Variants in ZNF365 observed in about 807,000 individuals in gnomAD.
ZNF365 encodes the protein protein ZNF365.
Under a neutral mutation model 35.0 loss-of-function variants are expected in ZNF365, and 22 were observed. The observed-to-expected ratio is 0.63, with a 90% CI of 0.45 to 0.90. The LOEUF is 0.90. Ranked by LOEUF, ZNF365 falls within the 40% of genes least tolerant of loss-of-function variation. The pLI is 0.00. For missense variants in ZNF365, 448 were observed against 500.3 expected, an observed-to-expected ratio of 0.90 and a Z score of 1.00; for synonymous variants, 188 against 196.2, an observed-to-expected ratio of 0.96 and a Z score of 0.35.
At chr10:62,439,075 AT>A (rs1294474567) in intron 3 of ZNF365, among the ~76,000 whole-genome samples, 2 of 152,206 alleles carry the variant, frequency 1.3e-5, no homozygotes, top group East Asian at 3.8e-4. Context: ...CGGTAAGACT[AT>A]CACCTTGCTG....
chr10:62,455,222 G>A, intron 3 of ZNF365, among the ~76,000 whole-genome samples: 1 of 152,170 alleles, frequency 6.6e-6, no homozygotes, highest in East Asian at 1.9e-4. Context: ...AGCACAGGGA[G>A]GCTGGGAGAG....
Position 62,382,390 on chromosome 10 carries a change from T to C in ZNF365, c.743+5454T>C, listed in dbSNP as rs149539466. The stretch of plus-strand genomic sequence containing the variant: ...TAAATGGGGTCCTCTCTTTTCAGGA[T>C]GTGTTCCTTGCAGACTTAGAAACTC... On this transcript the variant is annotated intron_variant, in intron 2 of 4. Transcript: ENST00000395254. Among the ~76,000 whole-genome samples, 506 of 152,288 alleles carry C rather than the reference T, an allele frequency of 3.3e-3. 4 individuals carry two copies. The highest frequency in any genetic ancestry group is 0.011 in the African/African-American group (477 of 41,562).
chr10:62,414,211 T>A (rs1840036287), intron 3 of ZNF365, among the ~76,000 whole-genome samples: 2 of 152,024 alleles, frequency 1.3e-5, no homozygotes, highest in Non-Finnish European at 1.5e-5. Context: ...AGCTCTTTTT[T>A]TTTTCTTAGA....
At chr10:62,452,921 A>T (rs529519701) in intron 3 of ZNF365, among the ~76,000 whole-genome samples, 2 of 152,346 alleles carry the variant, frequency 1.3e-5, no homozygotes, top group South Asian at 4.1e-4. Flanking sequence ...TTCCATAAAT[A>T]TATTCTTTGC....
intron 3 of ZNF365, among the ~76,000 whole-genome samples, chr10:62,435,744 A>C (rs1311558189): frequency 6.6e-6 from 1 of 152,222 alleles, no homozygotes; most frequent in East Asian, 1.9e-4. Context: ...ATTTCCATCC[A>C]GACTTCTGGC....
chr10:62,376,745 CAA>C lies in ZNF365; in HGVS notation c.554_555del (p.Lys185ArgfsTer55). ...TIEKRIDKLT[K>X]ELAQKTAELL... Reference sequence around the variant, plus strand: ...TTGAGAAGAGAATTGATAAACTCACCAAAGAGTTGGCCCAGAAAACTGCGGAA... The same window carrying C: ...TTGAGAAGAGAATTGATAAACTCACCAGAGTTGGCCCAGAAAACTGCGGAA... On this transcript the variant is annotated frameshift_variant, in exon 2 of 5. Coordinates refer to ENST00000395254, the MANE Select transcript of ZNF365 (RefSeq NM_014951.3). LOFTEE classifies it high-confidence loss of function. 6.2e-7 allele frequency: 1 copy of C among 1,614,182 alleles called. No individual in the cohort carries two copies. Among genetic ancestry groups the C allele is most frequent in the Non-Finnish European group, 8.5e-7 (1 of 1,180,036 alleles).
At chr10:62,433,999 CT>C (rs749738776) in intron 3 of ZNF365, among the ~76,000 whole-genome samples, 43 of 152,226 alleles carry the variant, frequency 2.8e-4, no homozygotes, top group Admixed American at 7.2e-4. Flanking sequence ...GACTTAGTTT[CT>C]TCTGCTAGTA....
intron 3 of ZNF365, among the ~76,000 whole-genome samples, chr10:62,427,537 T>C (rs1350137393): frequency 2.0e-5 from 3 of 152,190 alleles, no homozygotes; most frequent in African/African-American, 7.2e-5. Flanking sequence ...ATGCGTGACT[T>C]ACACAGAAAA....
chr10:62,440,886 C>T (rs1840489281), intron 3 of ZNF365, among the ~76,000 whole-genome samples: 1 of 152,184 alleles, frequency 6.6e-6, no homozygotes, highest in South Asian at 2.1e-4. Context: ...AGAATGAATA[C>T]ATCATCCGAT....
chr10:62,425,635 C>T (rs1387936838), intron 3 of ZNF365, among the ~76,000 whole-genome samples: 1 of 152,222 alleles, frequency 6.6e-6, no homozygotes, highest in Non-Finnish European at 1.5e-5. Context: ...GGCTCTCAGG[C>T]TGACCTGTGA....
chr10:62,395,491 C>T (rs1839708814), intron 3 of ZNF365, among the ~76,000 whole-genome samples: 1 of 149,926 alleles, frequency 6.7e-6, no homozygotes, highest in Admixed American at 6.7e-5. Context: ...GCACCCACCA[C>T]CACACCCGGC....
At chr10:62,443,166 G>A (rs1309806860) in intron 3 of ZNF365, among the ~76,000 whole-genome samples, 1 of 152,232 alleles carries the variant, frequency 6.6e-6, no homozygotes, top group African/African-American at 2.4e-5. Context: ...CCCTTTATAA[G>A]TCAAGCACTA....
Position 62,402,084 on chromosome 10 carries a change from TTG to T in ZNF365, c.*2299_*2300del. ...GCCTGAGCTAAGTACCATGTCCTGT[TTG>T]TGTCTTATTTTTAAATATTTTCTTT... On this transcript the variant is annotated 3_prime_UTR_variant, in exon 5 of 5. Coordinates refer to ENST00000395254, the MANE Select transcript of ZNF365 (RefSeq NM_014951.3). 2.0e-6 allele frequency: 2 copies of T among 985,890 alleles called. No homozygotes were observed. Among genetic ancestry groups the T allele is most frequent in the Middle Eastern group, 5.2e-4 (1 of 1,914 alleles). 61.1% of individuals were successfully genotyped at this position (985,890 alleles called of 1,614,324 possible).
Position 62,467,748 on chromosome 10 carries a change from G to A in ZNF365, c.981+7951G>A, listed in dbSNP as rs556059507. ...CCTTTCAGAGGCAATTCACTCATTC[G>A]GATGCTATGAATCATGCTTCAAGCC... On this transcript the variant is annotated intron_variant, in intron 4 of 4. Transcript: ENST00000395255. Among the ~76,000 whole-genome samples, 16 of 152,184 alleles carry A rather than the reference G, an allele frequency of 1.1e-4. No individual in the cohort carries two copies. The East Asian group carries it at 1.2e-3, about 11-fold the overall frequency.
intron 3 of ZNF365, among the ~76,000 whole-genome samples, chr10:62,449,121 G>A (rs757312081): frequency 2.0e-4 from 30 of 152,172 alleles, no homozygotes; most frequent in Admixed American, 1.0e-3. Flanking sequence ...GGGAGTAAAG[G>A]AAGTCTTTAT....
rs5785521 is a variant in ZNF365, at chr10:62,401,486, TGGG to T, written c.*1703_*1705del. On this transcript the variant is annotated 3_prime_UTR_variant, in exon 5 of 5. Coordinates refer to ENST00000395254, the MANE Select transcript of ZNF365 (RefSeq NM_014951.3). ...AATCTTCACTTTGACTTTCAGTTTATGGGGGGGGTAGATCATTCATGTGATATA... is the reference window on the plus strand; with the variant it reads ...AATCTTCACTTTGACTTTCAGTTTATGGGGGTAGATCATTCATGTGATATA... 2 of 985,004 alleles carry T rather than the reference TGGG, an allele frequency of 2.0e-6. No homozygotes were observed. The highest frequency in any genetic ancestry group is 2.4e-6 in the Non-Finnish European group (2 of 829,748). The allele number at this position is 985,004 out of a possible 1,614,324, so 61.0% of individuals were successfully genotyped here.
intron 3 of ZNF365, among the ~76,000 whole-genome samples, chr10:62,443,367 G>T (rs895616944): frequency 6.6e-6 from 1 of 152,144 alleles, no homozygotes; most frequent in African/African-American, 2.4e-5. Flanking sequence ...TCCTTCTTTT[G>T]TGTATGCCCC....
intron 4 of ZNF365, 69 bp downstream of exon 4, chr10:62,398,846 A>T: frequency 7.0e-7 from 1 of 1,431,336 alleles, no homozygotes; most frequent in South Asian, 1.3e-5. Flanking sequence ...GTTGCATTTT[A>T]TATGAGATCG....
chr10:62,447,863 C>T (rs542322462), intron 3 of ZNF365, among the ~76,000 whole-genome samples: 1 of 152,158 alleles, frequency 6.6e-6, no homozygotes, highest in Non-Finnish European at 1.5e-5. Flanking sequence ...GTGTCTTAAC[C>T]CTCACATTGG....
Sources: gnomAD v4.1 joint callset for allele counts (sites outside exome capture counted in the v4.1 genomes callset) on GRCh38, gnomAD v4.1.1 for gene constraint, MANE v1.5 for transcripts, NCBI Gene and HGNC (gene_info 2026-07-23, HGNC 2026-07-21) for gene names.